Variants in HIVEP2 observed in about 807,000 individuals in gnomAD.
HIVEP2 encodes the protein transcription factor HIVEP2.
HIVEP2 carries 14 observed loss-of-function variants against 180.7 expected under a neutral mutation model. That is an observed-to-expected ratio of 0.08 (90% CI 0.05 to 0.12). The LOEUF is 0.12. Among genes scored for constraint, HIVEP2 ranks in the 10% least tolerant of loss-of-function variants. The probability of loss-of-function intolerance (pLI) is 1.00; values close to 1 mark genes in which losing one functional copy is unlikely to be tolerated. For missense variants in HIVEP2, 2,579 were observed against 3,008.5 expected, an observed-to-expected ratio of 0.86 and a Z score of 3.34; for synonymous variants, 1,184 against 1,136.4, an observed-to-expected ratio of 1.04 and a Z score of -0.84.
chr6:142,789,881 T>C (rs1474042513), intron 2 of HIVEP2, among the ~76,000 whole-genome samples: 2 of 152,202 alleles, frequency 1.3e-5, no homozygotes, highest in Non-Finnish European at 2.9e-5. Context: ...CTGAAATGTT[T>C]ATCAATTTTT....
intron 1 of HIVEP2, among the ~76,000 whole-genome samples, chr6:142,882,880 T>C (rs1177215266): frequency 1.3e-5 from 2 of 152,102 alleles, no homozygotes; most frequent in East Asian, 1.9e-4. Context: ...TGCAACACAA[T>C]AGGAAGCTTA....
chr6:142,907,436 T>C (rs1777293090), intron 1 of HIVEP2, among the ~76,000 whole-genome samples: 1 of 152,142 alleles, frequency 6.6e-6, no homozygotes. Context: ...TTAGAGAATT[T>C]GGGGGAAGAA....
At chr6:142,794,248 T>C (rs747243781) in intron 2 of HIVEP2, among the ~76,000 whole-genome samples, 48 of 152,164 alleles carry the variant, frequency 3.2e-4, no homozygotes, top group Non-Finnish European at 4.4e-4. Context: ...TCCCATTGTC[T>C]CATACTGATA....
intron 1 of HIVEP2, among the ~76,000 whole-genome samples, chr6:142,919,410 T>C (rs540913559): frequency 6.6e-6 from 1 of 152,334 alleles, no homozygotes; most frequent in Non-Finnish European, 1.5e-5. Flanking sequence ...TCCTATTATA[T>C]TCTTATTGGA....
chr6:142,780,516 G>A (rs554188183), intron 3 of HIVEP2, among the ~76,000 whole-genome samples: 1 of 152,278 alleles, frequency 6.6e-6, no homozygotes, highest in Admixed American at 6.5e-5. Context: ...TGGAGTTTCT[G>A]AGACATATAA....
Position 142,752,191 on chromosome 6 carries a change from G to C in HIVEP2, c.*916C>G, listed in dbSNP as rs1349206174. 1 of 152,624 alleles carries C rather than the reference G, an allele frequency of 6.6e-6. No individual in the cohort carries two copies. Among genetic ancestry groups the C allele is most frequent in the African/African-American group, 2.4e-5 (1 of 41,448 alleles). The allele number at this position is 152,624 out of a possible 1,614,324, so 9.5% of individuals were successfully genotyped here. On this transcript the variant is annotated 3_prime_UTR_variant, in exon 10 of 10. Coordinates refer to ENST00000367603, the MANE Select transcript of HIVEP2 (RefSeq NM_006734.4). ...ATAAAATTGTACCAGTGATGCACTT[G>C]TACATATTTACATGGGGTGGAATGT...
In HIVEP2 at chr6:142,770,097, G is replaced by A. The variant is rs545797101; in HGVS notation, c.4642C>T (p.Arg1548Trp). The A allele has an allele frequency of 1.1e-4, 173 of 1,614,214 alleles. 5 individuals are homozygous for A. In the South Asian group the frequency reaches 1.6e-3, roughly 15 times the overall value. ...GACTTCTGCCCCGGAAGTGGTGCCC[G>A]GGAACCGGAAAGCATCTCCTTGCTG... ...LPSKEMLSGSRAPLPGQKSSG... is the reference protein window; with the variant it reads ...LPSKEMLSGSWAPLPGQKSSG... The change falls in exon 5 of 10, where the codon CGG (arginine) becomes TGG (tryptophan). Residue 1548 changes from arginine (R) to tryptophan (W), a missense_variant. Around this residue, in one of 11 missense-constraint regions of HIVEP2, gnomAD observed 349 missense variants for 367.2 expected, o/e 0.95. Transcript: ENST00000367603. The surrounding 1 kb of genome is among the most constrained non-coding windows in gnomAD (Gnocchi z 4.7).
At chr6:142,872,726 G>A (rs1254552479) in intron 1 of HIVEP2, among the ~76,000 whole-genome samples, 1 of 152,154 alleles carries the variant, frequency 6.6e-6, no homozygotes, top group Non-Finnish European at 1.5e-5. Context: ...TAAACCCAGA[G>A]ATATGAACTA....
chr6:142,789,414 C>T (rs571612122), intron 2 of HIVEP2, among the ~76,000 whole-genome samples: 2 of 152,204 alleles, frequency 1.3e-5, no homozygotes, highest in African/African-American at 2.4e-5. Context: ...TTTGACATCA[C>T]GTAAGTCATA....
chr6:142,880,466 C>T (rs922712814), intron 1 of HIVEP2, among the ~76,000 whole-genome samples: 8 of 152,152 alleles, frequency 5.3e-5, no homozygotes, highest in Admixed American at 3.3e-4. Flanking sequence ...CAGTCACCAG[C>T]GTGTCCTACA....
chr6:142,783,943 C>A (rs1036661279), intron 2 of HIVEP2, among the ~76,000 whole-genome samples: 1 of 152,200 alleles, frequency 6.6e-6, no homozygotes, highest in African/African-American at 2.4e-5. Context: ...TTCTACAGAA[C>A]TTCTTTGGGT....
chr6:142,871,915 T>C (rs1003119331), intron 1 of HIVEP2, among the ~76,000 whole-genome samples: 35 of 151,948 alleles, frequency 2.3e-4, no homozygotes, highest in African/African-American at 8.5e-4. Flanking sequence ...AAACCACAAA[T>C]TTAATAGCAC....
Position 142,772,782 on chromosome 6 carries a change from T to C in HIVEP2, c.1957A>G (p.Thr653Ala), listed in dbSNP as rs763217657. Residue 653 changes from threonine (T) to alanine (A), a missense_variant, in exon 5 of 10, where the codon ACA becomes GCA. Thr to Ala is a moderately conservative substitution (Grantham distance 58, BLOSUM62 0). Coordinates refer to ENST00000367603, the MANE Select transcript of HIVEP2 (RefSeq NM_006734.4). This position sits in a 1 kb window ranked among gnomAD's most constrained non-coding sequence, Gnocchi z 4.9. ...KPYKKWEDSE[T>A]PKQNYRDISC... ...ATGTCCCTGTAGTTTTGCTTTGGTG[T>C]TTCAGAGTCCTCCCACTTCTTATAG... 5.0e-6 allele frequency: 8 copies of C among 1,614,202 alleles called. No homozygotes were observed. Among genetic ancestry groups the C allele is most frequent in the Non-Finnish European group, 5.1e-6 (6 of 1,180,038 alleles).
intron 1 of HIVEP2, among the ~76,000 whole-genome samples, chr6:142,865,916 C>A (rs763535): frequency 0.2 from 29,834 of 152,166 alleles, 3,802 homozygotes; most frequent in Non-Finnish European, 0.29. Context: ...CCCAAGACAG[C>A]CTCTTCTTAC....
intron 1 of HIVEP2, among the ~76,000 whole-genome samples, chr6:142,898,757 T>C (rs1777060805): frequency 6.6e-6 from 1 of 152,208 alleles, no homozygotes; most frequent in Non-Finnish European, 1.5e-5. Context: ...ATATCATCAC[T>C]ACCCACTTTG....
Position 142,771,982 on chromosome 6 carries a change from C to T in HIVEP2, c.2757G>A (p.Gln919=), listed in dbSNP as rs1438447157. The T allele has an allele frequency of 3.1e-6, 5 of 1,614,094 alleles. No individual in the cohort carries two copies. Among genetic ancestry groups the T allele is most frequent in the African/African-American group, 2.7e-5 (2 of 74,928 alleles). Residue 919 remains glutamine, a synonymous_variant, in exon 5 of 10, where the codon CAG becomes CAA. Coordinates refer to ENST00000367603, the MANE Select transcript of HIVEP2 (RefSeq NM_006734.4). This position sits in a 1 kb window ranked among gnomAD's most constrained non-coding sequence, Gnocchi z 5.4. ...AAAGGGTCTCACTTCTCTGGGGCCA[C>T]TGAAATTCTTCCACAGGCTTCTCTG... is the stretch of plus-strand genomic sequence containing the variant. ...KEPEKPVEEF[Q]WPQRSETLSQ...
intron 1 of HIVEP2, among the ~76,000 whole-genome samples, chr6:142,890,548 T>G (rs1242860586): frequency 6.6e-6 from 1 of 152,076 alleles, no homozygotes; most frequent in Admixed American, 6.5e-5. Context: ...TGGATCAGAG[T>G]GGCAAGTGCA....
rs988864259 is a variant in HIVEP2, at chr6:142,916,869, C to T, written c.-641+28230G>A. On this transcript the variant is annotated intron_variant, in intron 1 of 9. Transcript: ENST00000367603. ...AAATAATCAACAGTAAGCAAATATC[C>T]TTTACATATTGAAAGAAACTACTGT... is the stretch of plus-strand genomic sequence containing the variant. Among the ~76,000 whole-genome samples the T allele has an allele frequency of 2.0e-5, 3 of 152,124 alleles. No individual in the cohort carries two copies. The East Asian group carries it at 5.8e-4, about 29-fold the overall frequency.
intron 1 of HIVEP2, among the ~76,000 whole-genome samples, chr6:142,839,781 A>G (rs1004543105): frequency 1.3e-5 from 2 of 152,122 alleles, no homozygotes; most frequent in South Asian, 4.1e-4. Context: ...GTGTATCATA[A>G]TGTCTCTATA....
Sources: gnomAD v4.1 joint callset for allele counts (sites outside exome capture counted in the v4.1 genomes callset) on GRCh38, gnomAD v4.1.1 for gene constraint, gnomAD v4.1.1 regional missense constraint, Gnocchi (gnomAD v3.1) non-coding constraint, MANE v1.5 for transcripts, NCBI Gene and HGNC (gene_info 2026-07-23, HGNC 2026-07-21) for gene names.